The following ESRRG variants were observed in gnomAD, a reference collection of about 807,000 sequenced individuals.
ESRRG encodes estrogen-related receptor gamma.
ESRRG carries 13 observed loss-of-function variants against 44.0 expected under a neutral mutation model. The ratio of observed to expected loss-of-function variants is 0.30; its 90% CI spans 0.19 to 0.47. ESRRG has a LOEUF of 0.47. ESRRG is among the 20% of genes least tolerant of loss of function. The probability of loss-of-function intolerance (pLI) is 1.00; values close to 1 mark genes in which losing one functional copy is unlikely to be tolerated. For synonymous variants in ESRRG, 215 were observed against 214.6 expected (o/e 1.00, Z -0.02); for missense variants, 395 against 580.6 (o/e 0.68, Z 3.29).
chr1:217,109,962 C>G (rs962030241), intron 1 of ESRRG, among the ~76,000 whole-genome samples: 14 of 152,160 alleles, frequency 9.2e-5, no homozygotes, highest in Admixed American at 8.5e-4. Context: ...GCCCTAGCCT[C>G]CTTAAGGGGT....
intron 3 of ESRRG, among the ~76,000 whole-genome samples, chr1:216,579,863 T>A (rs954507988): frequency 6.6e-6 from 1 of 152,190 alleles, no homozygotes; most frequent in African/African-American, 2.4e-5. Context: ...CCATGAAAAT[T>A]TCCTTGCATT....
intron 3 of ESRRG, among the ~76,000 whole-genome samples, chr1:216,644,753 A>G (rs2150961946): frequency 6.6e-6 from 1 of 152,214 alleles, no homozygotes; most frequent in East Asian, 1.9e-4. Context: ...TACTTTAAAG[A>G]GATCAAATCA....
intron 1 of ESRRG, among the ~76,000 whole-genome samples, chr1:216,970,311 G>T (rs1330451834): frequency 1.3e-5 from 2 of 152,188 alleles, no homozygotes; most frequent in Non-Finnish European, 1.5e-5. Flanking sequence ...TTGAAAAACT[G>T]CATGACAAAG....
chr1:216,681,647 G>A (rs1232102738), intron 1 of ESRRG, among the ~76,000 whole-genome samples: 2 of 152,182 alleles, frequency 1.3e-5, no homozygotes, highest in South Asian at 4.1e-4. Context: ...GTCAGCAAGG[G>A]TGAAAATTAT....
At chr1:216,528,124 A>C (rs1028404510) in intron 5 of ESRRG, among the ~76,000 whole-genome samples, 6 of 152,212 alleles carry the variant, frequency 3.9e-5, no homozygotes, top group Non-Finnish European at 7.3e-5. Context: ...CCATTGCAGG[A>C]ACCAGATCCC....
At chr1:216,589,359 A>G (rs1223320702) in intron 3 of ESRRG, among the ~76,000 whole-genome samples, 2 of 152,092 alleles carry the variant, frequency 1.3e-5, no homozygotes, top group South Asian at 4.1e-4. Context: ...ACATTATGAG[A>G]ATATTTTTGT....
intron 2 of ESRRG, among the ~76,000 whole-genome samples, chr1:216,746,075 A>T (rs556246702): frequency 1.3e-5 from 2 of 152,344 alleles, no homozygotes; most frequent in South Asian, 4.1e-4. Context: ...TGTAAAAATA[A>T]TAACAGCCTT....
At position 216,600,591 on chromosome 1, in the gene ESRRG, G is replaced by T. The variant is rs575067726; in HGVS notation, c.590-32493C>A. On this transcript the variant is annotated intron_variant, in intron 3 of 6. Coordinates refer to ENST00000408911, the MANE Select transcript of ESRRG (RefSeq NM_001438.4). Reference sequence around the variant, plus strand: ...CCATGGGTAAAATTGTGTCATGTGGGTTTGCTGTGCAGGTTATTTCATCAC... The same window carrying T: ...CCATGGGTAAAATTGTGTCATGTGGTTTTGCTGTGCAGGTTATTTCATCAC... Among the ~76,000 whole-genome samples, 5 of 152,064 alleles carry T rather than the reference G, an allele frequency of 3.3e-5. No individual in the cohort carries two copies. In the South Asian group the frequency reaches 1.0e-3, roughly 32 times the overall value.
intron 1 of ESRRG, among the ~76,000 whole-genome samples, chr1:217,041,355 A>G (rs925047067): frequency 5.3e-5 from 8 of 152,198 alleles, no homozygotes; most frequent in African/African-American, 1.9e-4. Context: ...AATCCTTTAA[A>G]CATTCATAGC....
intron 5 of ESRRG, among the ~76,000 whole-genome samples, chr1:216,539,839 A>G (rs116387559): frequency 6.6e-6 from 1 of 152,080 alleles, no homozygotes; most frequent in East Asian, 1.9e-4. Context: ...TGACGCAAAA[A>G]AAAAGCGAAT....
chr1:216,795,657 T>A (rs1446831881), intron 2 of ESRRG, among the ~76,000 whole-genome samples: 1 of 152,056 alleles, frequency 6.6e-6, no homozygotes, highest in African/African-American at 2.4e-5. Flanking sequence ...TTTTAATATA[T>A]ATATTTAAAA....
intron 6 of ESRRG, among the ~76,000 whole-genome samples, chr1:216,514,670 C>A (rs764233667): frequency 2.2e-4 from 34 of 152,178 alleles, no homozygotes; most frequent in Non-Finnish European, 4.9e-4. Flanking sequence ...ATAGAAATAG[C>A]TCATTGATAG....
At chr1:216,559,389 G>A (rs1353246269) in intron 5 of ESRRG, among the ~76,000 whole-genome samples, 1 of 152,224 alleles carries the variant, frequency 6.6e-6, no homozygotes, top group Non-Finnish European at 1.5e-5. Flanking sequence ...CACGTAAATT[G>A]AGTTATGGGA....
intron 1 of ESRRG, among the ~76,000 whole-genome samples, chr1:217,015,239 A>C (rs12759584): frequency 0.15 from 22,522 of 152,150 alleles, 2,170 homozygotes; most frequent in East Asian, 0.21. Context: ...TTCTGGCTGC[A>C]TTCAATTTCT....
Position 216,779,236 on chromosome 1 carries a change from A to T in ESRRG, c.-13-101745T>A, listed in dbSNP as rs1228284763. 8.3e-4 allele frequency among the ~76,000 whole-genome samples: 42 copies of T among 50,710 alleles called. 4 individuals are homozygous for T. Among genetic ancestry groups the T allele is most frequent in the African/African-American group, 4.5e-3 (38 of 8,418 alleles). 33.3% of individuals were successfully genotyped at this position (50,710 alleles called of 152,430 possible). A position where few individuals can be genotyped will look rare whatever the true frequency, so the allele number is the denominator to read the frequency against. On this transcript the variant is annotated intron_variant, in intron 2 of 7. Coordinates refer to the ESRRG transcript ENST00000359162. ...ATATATATTTATATTTATAAATATA[A>T]ATATATATTTATATTTATAAATATA...
At chr1:216,854,636 T>A (rs927822113) in intron 2 of ESRRG, among the ~76,000 whole-genome samples, 1 of 152,172 alleles carries the variant, frequency 6.6e-6, no homozygotes, top group African/African-American at 2.4e-5. Flanking sequence ...GAAATGATCA[T>A]GTCTATATGG....
At chr1:216,698,238 C>T (rs1575462122) in intron 1 of ESRRG, among the ~76,000 whole-genome samples, 1 of 152,122 alleles carries the variant, frequency 6.6e-6, no homozygotes, top group African/African-American at 2.4e-5. Flanking sequence ...CAAGTTTTGG[C>T]GGGGCGCGGT....
chr1:216,753,691 T>A (rs2092252408), intron 2 of ESRRG, among the ~76,000 whole-genome samples: 1 of 152,066 alleles, frequency 6.6e-6, no homozygotes, highest in Admixed American at 6.6e-5. Flanking sequence ...TTTAACAAAG[T>A]GTATAGGTAT....
chr1:217,017,680 G>A (rs2079621087), intron 1 of ESRRG, among the ~76,000 whole-genome samples: 1 of 151,956 alleles, frequency 6.6e-6, no homozygotes, highest in Non-Finnish European at 1.5e-5. Flanking sequence ...TGTTTATAGT[G>A]AGTTAAGAAT....
Sources: allele counts gnomAD v4.1 joint callset (sites outside exome capture counted in the v4.1 genomes callset), GRCh38; gene constraint gnomAD v4.1.1; transcripts MANE v1.5; gene names NCBI Gene and HGNC (gene_info 2026-07-23, HGNC 2026-07-21).